DGAT2: variants seen among roughly 807,000 people sequenced by gnomAD.
DGAT2 encodes the protein diacylglycerol O-acyltransferase 2, also known as acyl-CoA retinol O-fatty-acyltransferase.
Under a neutral mutation model 48.4 loss-of-function variants are expected in DGAT2, and 33 were observed. The ratio of observed to expected loss-of-function variants is 0.68; its 90% confidence interval spans 0.52 to 0.91. The LOEUF (loss-of-function observed/expected upper bound fraction) is 0.91. Among genes scored for constraint, DGAT2 ranks in the 40% least tolerant of loss-of-function variants. The pLI, the probability that DGAT2 is intolerant of heterozygous loss-of-function variation, is 0.00. For synonymous variants in DGAT2, 191 were observed against 194.1 expected (o/e 0.98, Z 0.13); for missense variants, 446 against 493.7 (o/e 0.90, Z 0.92).
intron 1 of DGAT2, among the ~76,000 whole-genome samples, chr11:75,778,610 G>A (rs1944826675): frequency 1.3e-5 from 2 of 152,034 alleles, no homozygotes; most frequent in Admixed American, 6.5e-5. Flanking sequence ...CTAGGCGGGC[G>A]GATCACGAGA....
chr11:75,783,355 G>A (rs570452163), intron 1 of DGAT2, among the ~76,000 whole-genome samples: 1 of 152,340 alleles, frequency 6.6e-6, no homozygotes, highest in South Asian at 2.1e-4. Context: ...AGTCAAAGCA[G>A]TTGTTAACTT....
intron 1 of DGAT2, among the ~76,000 whole-genome samples, chr11:75,772,858 T>G (rs1434934913): frequency 1.3e-5 from 2 of 152,056 alleles, no homozygotes; most frequent in Non-Finnish European, 1.5e-5. Context: ...GGTGTGGTGG[T>G]GTGTGCCTGT....
chr11:75,788,276 A>C (rs1223634644), intron 2 of DGAT2, among the ~76,000 whole-genome samples: 1 of 152,186 alleles, frequency 6.6e-6, no homozygotes, highest in African/African-American at 2.4e-5. Flanking sequence ...CAGACTGCTG[A>C]ACAGTAAGTA....
At chr11:75,782,858 T>G (rs1435115895) in intron 1 of DGAT2, among the ~76,000 whole-genome samples, 2 of 152,222 alleles carry the variant, frequency 1.3e-5, no homozygotes, top group African/African-American at 4.8e-5. Flanking sequence ...CTCTGCCGCC[T>G]ACTGCCTGGG....
rs1170611773 is a variant in DGAT2 at position 75,798,390 on chromosome 11, T to G, written c.973T>G (p.Trp325Gly). The G allele has an allele frequency of 1.9e-6, 3 of 1,613,634 alleles. No homozygotes were observed. Among genetic ancestry groups the G allele is most frequent in the East Asian group, 4.5e-5 (2 of 44,894 alleles). Residue 325 changes from tryptophan (W) to glycine (G), a missense_variant, in exon 7 of 8, where the codon TGG (tryptophan) becomes GGG (glycine). By Grantham distance (184) the Trp-to-Gly change is radical. Transcript: ENST00000228027. ...HGRGLFSSDT[W>G]GLVPYSKPIT... ...TCGAGGCCTCTTCTCCTCCGACACC[T>G]GGGGGCTGGTGCCCTACTCCAAGCC...
intron 1 of DGAT2, chr11:75,775,840 C>T (rs1298123138): frequency 6.6e-6 from 1 of 152,284 alleles, no homozygotes; most frequent in Non-Finnish European, 1.5e-5. Context: ...GGGGCCTCCC[C>T]TGGATTCCTA....
chr11:75,790,787 T>G (rs1203406355), intron 4 of DGAT2, 56 bp downstream of exon 4: 7 of 1,593,478 alleles, frequency 4.4e-6, no homozygotes, highest in Non-Finnish European at 5.2e-6. Context: ...AAATCTGAAC[T>G]CAGGCCTTAA....
intron 2 of DGAT2, among the ~76,000 whole-genome samples, chr11:75,787,019 A>G (rs1944929594): frequency 6.6e-6 from 1 of 152,258 alleles, no homozygotes; most frequent in Non-Finnish European, 1.5e-5. Flanking sequence ...ATCTAGCAGC[A>G]CATGTAATAA....
intron 1 of DGAT2, among the ~76,000 whole-genome samples, chr11:75,782,715 C>T (rs1199162333): frequency 6.6e-6 from 1 of 152,250 alleles, no homozygotes; most frequent in Non-Finnish European, 1.5e-5. Flanking sequence ...GGTCCCACTG[C>T]TGGGCAGGTT....
intron 5 of DGAT2, 43 bp from the exon 6 acceptor site, chr11:75,797,115 A>G: frequency 2.8e-6 from 4 of 1,439,726 alleles, no homozygotes; most frequent in Non-Finnish European, 3.7e-6. Context: ...TGGGGAGTGG[A>G]TCCATGGGCA....
At chr11:75,796,595 G>C (rs886828182) in intron 5 of DGAT2, 63 bp downstream of exon 5, 10 of 1,540,552 alleles carry the variant, frequency 6.5e-6, no homozygotes, top group Non-Finnish European at 7.9e-6. Flanking sequence ...CTCTCCATCG[G>C]GCAGGGTGAC....
intron 2 of DGAT2, among the ~76,000 whole-genome samples, chr11:75,788,948 T>C (rs890269384): frequency 2.6e-5 from 4 of 152,080 alleles, no homozygotes; most frequent in African/African-American, 9.7e-5. Context: ...AGATAGGCCT[T>C]AAAGGTTGGG....
rs1351449335 is a variant in DGAT2, at chr11:75,790,661, G to T, written c.359G>T (p.Gly120Val). The change falls in exon 4 of 8, where the codon GGT (glycine) becomes GTT (valine). Residue 120 changes from glycine (G) to valine (V), a missense_variant and splice_region_variant. By Grantham distance (109) the Gly-to-Val change is moderately radical. Coordinates refer to ENST00000228027, the MANE Select transcript of DGAT2 (RefSeq NM_032564.5). ...AACTCTGTATTTTATTCCCTGGAAG[G>T]TGGCAGGAGGTCACAGTGGGTCCGA... ...LVFDWNTPKKGGRRSQWVRNW... is the reference protein window; with the variant it reads ...LVFDWNTPKKVGRRSQWVRNW... 6.2e-7 allele frequency: 1 copy of T among 1,613,944 alleles called. No homozygotes were observed. Among genetic ancestry groups the T allele is most frequent in the Non-Finnish European group, 8.5e-7 (1 of 1,180,004 alleles).
At chr11:75,784,150 A>G (rs1295909374) in intron 1 of DGAT2, among the ~76,000 whole-genome samples, 2 of 152,186 alleles carry the variant, frequency 1.3e-5, no homozygotes, top group South Asian at 2.1e-4. Flanking sequence ...GGGGATGCTC[A>G]AAGTACACTT....
chr11:75,770,408 GCAGCTTGAGCTGCCCCATGTATC>G, intron 1 of DGAT2, among the ~76,000 whole-genome samples: 1 of 152,316 alleles, frequency 6.6e-6, no homozygotes, highest in Non-Finnish European at 1.5e-5. Context: ...TCGGGGGCGA[GCAGCTTGAGCTGCCCCATGTATC>G]CAGCCAGTAG....
Position 75,769,047 on chromosome 11 carries a change from A to G in DGAT2, c.56A>G (p.Glu19Gly), listed in dbSNP as rs1944729053. The change falls in exon 1 of 8, where the codon GAG (glutamate) becomes GGG (glycine). Residue 19 changes from glutamate to glycine, a missense_variant. Coordinates refer to ENST00000228027, the MANE Select transcript of DGAT2 (RefSeq NM_032564.5). Reference sequence around the variant, plus strand: ...GTCCTGCGCGGCGAGCGTCAGGCCGAGGCTGACCGGAGCCAGCGCTCTCAC... The same window carrying G: ...GTCCTGCGCGGCGAGCGTCAGGCCGGGGCTGACCGGAGCCAGCGCTCTCAC... The part of the protein sequence containing the change: ...SGVLRGERQA[E>G]ADRSQRSHGG... 6.3e-7 allele frequency: 1 copy of G among 1,580,680 alleles called. No homozygotes were observed. Among genetic ancestry groups the G allele is most frequent in the African/African-American group, 1.4e-5 (1 of 72,244 alleles).
chr11:75,790,828 G>T, intron 4 of DGAT2, 97 bp downstream of exon 4: 1 of 1,256,166 alleles, frequency 8.0e-7, no homozygotes. Context: ...TTTAGACCAA[G>T]TTGGTCTCTT....
chr11:75,794,604 G>C (rs1380222112), intron 4 of DGAT2: 1 of 152,208 alleles, frequency 6.6e-6, no homozygotes, highest in Non-Finnish European at 1.5e-5. Context: ...ATCAATCAGG[G>C]TTTGAGTCAG....
intron 7 of DGAT2, 149 bp from the exon 8 acceptor site, chr11:75,800,205 G>T: frequency 1.9e-6 from 2 of 1,059,496 alleles, no homozygotes; most frequent in Non-Finnish European, 1.3e-6. Context: ...TCTGTAATAG[G>T]GGACAACCAG....
Sources: gnomAD v4.1 joint callset for allele counts (sites outside exome capture counted in the v4.1 genomes callset) on GRCh38, gnomAD v4.1.1 for gene constraint, MANE v1.5 for transcripts, NCBI Gene and HGNC (gene_info 2026-07-23, HGNC 2026-07-21) for gene names.